The following ABCC8 variants were observed in gnomAD, a reference collection of about 807,000 sequenced individuals.
The protein encoded by ABCC8 is ATP binding cassette subfamily C member 8, also known as ATP-binding cassette sub-family C member 8.
Under a neutral mutation model 188.0 loss-of-function variants are expected in ABCC8, and 137 were observed. The observed-to-expected ratio is 0.73, with a 90% confidence interval of 0.63 to 0.84. The LOEUF is 0.84. ABCC8 is among the 40% of genes least tolerant of loss of function. The pLI is 0.00. For synonymous variants in ABCC8, 797 were observed against 846.5 expected (o/e 0.94, Z 1.01); for missense variants, 1,750 against 2,072.7 (o/e 0.84, Z 3.02).
intron 38 of ABCC8, 195 bp from the exon 39 acceptor site, chr11:17,393,323 T>C (rs762035248): frequency 6.9e-5 from 53 of 770,532 alleles, no homozygotes; most frequent in Non-Finnish European, 1.1e-4. Context: ...ACCACCCTTC[T>C]CTCCTCTCCA....
chr11:17,450,617 T>G (rs1956775834), intron 7 of ABCC8, among the ~76,000 whole-genome samples: 2 of 148,930 alleles, frequency 1.3e-5, no homozygotes, highest in African/African-American at 5.0e-5. Context: ...CAGGATGGTC[T>G]CGATCTCCTG....
At chr11:17,425,836 G>A (rs572603383) in intron 16 of ABCC8, among the ~76,000 whole-genome samples, 331 of 107,678 alleles carry the variant, frequency 3.1e-3, no homozygotes, top group Non-Finnish European at 4.5e-3. Context: ...CCCTCCCCTT[G>A]CCCCCCACCC....
intron 3 of ABCC8, among the ~76,000 whole-genome samples, chr11:17,468,984 G>C (rs1052383514): frequency 2.0e-5 from 3 of 151,958 alleles, no homozygotes; most frequent in Non-Finnish European, 2.9e-5. Flanking sequence ...CAAACCTCAA[G>C]CTCTGGTCCC....
chr11:17,398,548 C>T, intron 29 of ABCC8, 107 bp from the exon 30 acceptor site: 2 of 1,563,176 alleles, frequency 1.3e-6, no homozygotes, highest in Non-Finnish European at 1.7e-6. Flanking sequence ...AGTCCCCAGA[C>T]ATGCCACCGT....
At chr11:17,431,008 C>G (rs777816573) in intron 11 of ABCC8, 49 bp from the exon 12 acceptor site, 1 of 1,604,626 alleles carries the variant, frequency 6.2e-7, no homozygotes, top group Non-Finnish European at 8.5e-7. Flanking sequence ...GGTGTGGGTC[C>G]CTCCCACACT....
chr11:17,461,603 C>T lies in ABCC8; in HGVS notation c.802G>A (p.Glu268Lys), dbSNP rs956046843. The T allele has an allele frequency of 4.3e-6, 7 of 1,614,112 alleles. No homozygotes were observed. Among genetic ancestry groups the T allele is most frequent in the Middle Eastern group, 1.6e-4 (1 of 6,084 alleles). The change falls in exon 5 of 39, where the codon GAG becomes AAG. Residue 268 changes from glutamate to lysine, a missense_variant. By Grantham distance (56) the Glu-to-Lys change is moderately conservative. Transcript: ENST00000389817. ...CTGACCACCTGGGCGTCAAAGGCCT[C>T]GCAGAGCCGTTGGTAGTTGGTGAGG... ...RALTNYQRLC[E>K]AFDAQVRKDI...
At chr11:17,403,592 T>C (rs564540398) in intron 28 of ABCC8, among the ~76,000 whole-genome samples, 1 of 152,362 alleles carries the variant, frequency 6.6e-6, no homozygotes, top group East Asian at 1.9e-4. Context: ...CTAAATTTTA[T>C]TATTGCTAAT....
chr11:17,473,180 G>A (rs992581449), intron 2 of ABCC8, among the ~76,000 whole-genome samples: 3 of 152,092 alleles, frequency 2.0e-5, no homozygotes, highest in African/African-American at 7.2e-5. Flanking sequence ...CTTCTCCAAG[G>A]GCGGAGGTGT....
intron 10 of ABCC8, among the ~76,000 whole-genome samples, chr11:17,434,058 C>A (rs1271071845): frequency 2.6e-5 from 4 of 152,176 alleles, no homozygotes; most frequent in African/African-American, 9.7e-5. Flanking sequence ...GGATGCCCAT[C>A]AGACCTAGGA....
rs973551754 is a variant in ABCC8, at chr11:17,427,711, C to G, written c.2116+156G>C. On this transcript the variant is annotated intron_variant, in intron 15 of 38. Coordinates refer to ENST00000389817, the MANE Select transcript of ABCC8 (RefSeq NM_000352.6). This position sits in a 1 kb window ranked among gnomAD's most constrained non-coding sequence, Gnocchi z 5.0. Reference sequence around the variant, plus strand: ...ACTCCCACCCAGCACACGGAAGCCTCTAGAATGTAGCCTTCCCCTTCTATA... The same window carrying G: ...ACTCCCACCCAGCACACGGAAGCCTGTAGAATGTAGCCTTCCCCTTCTATA... Among the ~76,000 whole-genome samples the G allele has an allele frequency of 1.3e-5, 2 of 152,218 alleles. No individual in the cohort carries two copies. The highest frequency in any genetic ancestry group is 2.9e-5 in the Non-Finnish European group (2 of 68,036).
Position 17,410,811 on chromosome 11 carries a change from G to A in ABCC8, c.2557-158C>T, listed in dbSNP as rs1056219298. 20 of 733,144 alleles carry A rather than the reference G, an allele frequency of 2.7e-5. No homozygotes were observed. The African/African-American group carries it at 3.5e-4, about 13-fold the overall frequency. 45.4% of individuals were successfully genotyped at this position (733,144 alleles called of 1,614,324 possible). ...TGGACAACTCACCCAACCTCTCTGGGCCTTGGTTACCTCATTTAAAATGGG... is the reference window on the plus strand; with the variant it reads ...TGGACAACTCACCCAACCTCTCTGGACCTTGGTTACCTCATTTAAAATGGG... On this transcript the variant is annotated intron_variant, in intron 21 of 38. Coordinates refer to ENST00000389817, the MANE Select transcript of ABCC8 (RefSeq NM_000352.6).
chr11:17,395,433 C>A (rs977210630), intron 35 of ABCC8, 158 bp from the exon 36 acceptor site: 43 of 1,487,192 alleles, frequency 2.9e-5, no homozygotes, highest in Non-Finnish European at 3.6e-5. Context: ...CATCTTAGAC[C>A]CATGGGTGGG....
rs1428603102 is a variant in ABCC8 at position 17,396,184 on chromosome 11, G to T, written c.4120-254C>A. 1.2e-5 allele frequency: 9 copies of T among 775,366 alleles called. No individual in the cohort carries two copies. In the African/African-American group the frequency reaches 1.6e-4, roughly 14 times the overall value. 48.0% of individuals were successfully genotyped at this position (775,366 alleles called of 1,614,324 possible). Reference sequence around the variant, plus strand: ...TTTGCCTGGGCCTTGGTGTGGGTCTGGGTGTGCCGGGTACTTGGCTGAAGG... The same window carrying T: ...TTTGCCTGGGCCTTGGTGTGGGTCTTGGTGTGCCGGGTACTTGGCTGAAGG... On this transcript the variant is annotated intron_variant, in intron 33 of 38. Coordinates refer to ENST00000389817, the MANE Select transcript of ABCC8 (RefSeq NM_000352.6).
rs776027296 is a variant in ABCC8 at position 17,427,120 on chromosome 11, G to A, written c.2151C>T (p.Cys717=). The A allele has an allele frequency of 2.5e-6, 4 of 1,613,556 alleles. No individual in the cohort carries two copies. Among genetic ancestry groups the A allele is most frequent in the Non-Finnish European group, 2.5e-6 (3 of 1,179,768 alleles). ...QLTMIVGQVG[C]GKSSLLLAAL... ...CGGCTAGAAGGAGCGAGGACTTGCCGCAGCCCACCTGCCCCACGATCATAG... is the reference window on the plus strand; with the variant it reads ...CGGCTAGAAGGAGCGAGGACTTGCCACAGCCCACCTGCCCCACGATCATAG... The change falls in exon 16 of 39, where the codon TGC becomes TGT. Residue 717 remains cysteine (C), a synonymous_variant. Transcript: ENST00000389817. This position sits in a 1 kb window ranked among gnomAD's most constrained non-coding sequence, Gnocchi z 5.0.
chr11:17,450,834 G>A (rs536315720), intron 7 of ABCC8, among the ~76,000 whole-genome samples: 2 of 151,194 alleles, frequency 1.3e-5, no homozygotes, highest in East Asian at 3.9e-4. Context: ...GACTACAGGT[G>A]CACGCCAACA....
At chr11:17,459,436 T>C (rs564529428) in intron 6 of ABCC8, among the ~76,000 whole-genome samples, 1 of 152,350 alleles carries the variant, frequency 6.6e-6, no homozygotes, top group Non-Finnish European at 1.5e-5. Flanking sequence ...ACGTATCTCA[T>C]ATCTGTGGCC....
At position 17,463,592 on chromosome 11, in the gene ABCC8, T is replaced by A; in HGVS notation, c.425A>T (p.Tyr142Phe). The A allele has an allele frequency of 6.3e-7, 1 of 1,582,040 alleles. No homozygotes were observed. Among genetic ancestry groups the A allele is most frequent in the Non-Finnish European group, 8.6e-7 (1 of 1,163,594 alleles). The change falls in exon 4 of 39, where the codon TAT (tyrosine) becomes TTT (phenylalanine). Residue 142 changes from tyrosine (Y) to phenylalanine (F), a missense_variant. Physicochemically the swap from Tyr to Phe is conservative, Grantham distance 22 (BLOSUM62 3). Coordinates refer to ENST00000389817, the MANE Select transcript of ABCC8 (RefSeq NM_000352.6). ...CTTGGTGATGAAGGCCAGGGTCCAA[T>A]ACACCAGCAGGGCTGCCGAGGAGAG... Reference protein sequence around the residue: ...FPKLLIALLVYWTLAFITKTI... With the variant: ...FPKLLIALLVFWTLAFITKTI...
intron 37 of ABCC8, 150 bp downstream of exon 37, chr11:17,394,116 G>C: frequency 9.3e-7 from 1 of 1,071,246 alleles, no homozygotes; most frequent in Non-Finnish European, 1.4e-6. Flanking sequence ...ACAGAGTCAG[G>C]GTCCCCCCAG....
chr11:17,397,450 C>T, intron 31 of ABCC8, 137 bp from the exon 32 acceptor site: 1 of 1,522,404 alleles, frequency 6.6e-7, no homozygotes, highest in Non-Finnish European at 8.8e-7. Flanking sequence ...CTGCTCAGAG[C>T]AGCCCTCCCT....
Sources: allele counts gnomAD v4.1 joint callset (sites outside exome capture counted in the v4.1 genomes callset), GRCh38; gene constraint gnomAD v4.1.1; non-coding constraint Gnocchi (gnomAD v3.1); transcripts MANE v1.5; gene names NCBI Gene and HGNC (gene_info 2026-07-23, HGNC 2026-07-21).